NRG1: variants seen among roughly 807,000 people sequenced by gnomAD.
The protein encoded by NRG1 is neuregulin 1, also known as pro-neuregulin-1, membrane-bound isoform.
In NRG1, 18 loss-of-function variants were observed where a neutral mutation model predicts 63.8. That is an observed-to-expected ratio of 0.28 (90% CI 0.19 to 0.42). The LOEUF is 0.42. Among genes scored for constraint, NRG1 ranks in the 10% least tolerant of loss-of-function variants. The pLI, the probability that NRG1 is intolerant of heterozygous loss-of-function variation, is 1.00. For synonymous variants in NRG1, 302 were observed against 301.3 expected (o/e 1.00, Z -0.02); for missense variants, 762 against 814.7 (o/e 0.94, Z 0.79).
At chr8:32,401,247 G>A (rs530655229) in intron 1 of NRG1, among the ~76,000 whole-genome samples, 13 of 151,908 alleles carry the variant, frequency 8.6e-5, no homozygotes, top group Non-Finnish European at 1.8e-4. Flanking sequence ...CCCATGACAC[G>A]CAGCTTACCA....
intron 1 of NRG1, among the ~76,000 whole-genome samples, chr8:31,856,067 T>C (rs1563488793): frequency 6.6e-6 from 1 of 151,578 alleles, no homozygotes; most frequent in Non-Finnish European, 1.5e-5. Context: ...ATTTCAACTT[T>C]GGTGAATCTG....
chr8:32,347,212 C>A (rs1483286782), intron 1 of NRG1, among the ~76,000 whole-genome samples: 1 of 152,134 alleles, frequency 6.6e-6, no homozygotes, highest in African/African-American at 2.4e-5. Context: ...TTATTGTTAA[C>A]TATAATTTCC....
chr8:32,549,924 A>G (rs1385195829), intron 1 of NRG1, among the ~76,000 whole-genome samples: 1 of 152,232 alleles, frequency 6.6e-6, no homozygotes, highest in Non-Finnish European at 1.5e-5. Context: ...CGTACCCCCA[A>G]CACACATTTC....
intron 1 of NRG1, among the ~76,000 whole-genome samples, chr8:32,571,079 G>A (rs1422676928): frequency 6.6e-6 from 1 of 152,112 alleles, no homozygotes; most frequent in Admixed American, 6.6e-5. Context: ...TGGGAAAGGT[G>A]GGTTAAGAGG....
chr8:32,321,272 A>G (rs917584189), intron 1 of NRG1, among the ~76,000 whole-genome samples: 1 of 152,150 alleles, frequency 6.6e-6, no homozygotes, highest in African/African-American at 2.4e-5. Flanking sequence ...TTGCCTTACT[A>G]TAACTTGTCT....
chr8:32,696,120 G>A (rs1487376708), intron 5 of NRG1, among the ~76,000 whole-genome samples: 1 of 152,170 alleles, frequency 6.6e-6, no homozygotes, highest in Non-Finnish European at 1.5e-5. Flanking sequence ...GTTTTGAAGA[G>A]AGAGCTTCAT....
At chr8:32,426,172 A>G in intron 1 of NRG1, among the ~76,000 whole-genome samples, 1 of 152,198 alleles carries the variant, frequency 6.6e-6, no homozygotes, top group East Asian at 1.9e-4. Flanking sequence ...CAATTTAGGT[A>G]ACTTCATTTA....
At chr8:32,353,761 G>A (rs1805962778) in intron 1 of NRG1, among the ~76,000 whole-genome samples, 1 of 152,172 alleles carries the variant, frequency 6.6e-6, no homozygotes, top group Non-Finnish European at 1.5e-5. Context: ...CATTTTGGCA[G>A]CTTCTTAACA....
intron 1 of NRG1, among the ~76,000 whole-genome samples, chr8:31,710,572 T>C (rs1811640499): frequency 6.6e-6 from 1 of 152,158 alleles, no homozygotes; most frequent in Non-Finnish European, 1.5e-5. Flanking sequence ...AATTACACTC[T>C]CTTGAGTTAT....
chr8:31,666,607 T>C (rs1333829203), intron 1 of NRG1, among the ~76,000 whole-genome samples: 1 of 152,212 alleles, frequency 6.6e-6, no homozygotes, highest in African/African-American at 2.4e-5. Context: ...ACTTTGATGG[T>C]TGGCTGTTGG....
chr8:32,540,168 G>A (rs1017854069), intron 1 of NRG1, among the ~76,000 whole-genome samples: 10 of 152,136 alleles, frequency 6.6e-5, no homozygotes, highest in African/African-American at 2.4e-4. Context: ...GATTGGCAGG[G>A]CAGGTAAACC....
At chr8:32,129,692 T>C (rs1248014856) in intron 1 of NRG1, among the ~76,000 whole-genome samples, 1 of 151,926 alleles carries the variant, frequency 6.6e-6, no homozygotes, top group African/African-American at 2.4e-5. Flanking sequence ...ATATAAATTA[T>C]GGGTGGAAAA....
intron 1 of NRG1, among the ~76,000 whole-genome samples, chr8:31,939,663 G>C (rs984607977): frequency 9.2e-5 from 14 of 152,026 alleles, no homozygotes; most frequent in Admixed American, 6.6e-4. Context: ...GTTTTCTTCT[G>C]TTTTTCAGGA....
chr8:31,888,334 G>A (rs1055006214), intron 1 of NRG1, among the ~76,000 whole-genome samples: 1 of 152,040 alleles, frequency 6.6e-6, no homozygotes, highest in African/African-American at 2.4e-5. Flanking sequence ...GTACAGAAGG[G>A]TGTCACAGTT....
chr8:32,073,410 A>G (rs559385162), intron 1 of NRG1, among the ~76,000 whole-genome samples: 9 of 152,302 alleles, frequency 5.9e-5, no homozygotes, highest in Non-Finnish European at 8.8e-5. Context: ...TAAAAATGGA[A>G]AAGTCCTGGC....
chr8:32,594,453 C>A (rs997627632), intron 1 of NRG1, among the ~76,000 whole-genome samples: 1 of 152,094 alleles, frequency 6.6e-6, no homozygotes, highest in Admixed American at 6.6e-5. Context: ...AAAATTTATT[C>A]ATCTATGCTT....
chr8:32,313,272 C>G (rs1857023474), intron 1 of NRG1, among the ~76,000 whole-genome samples: 1 of 152,128 alleles, frequency 6.6e-6, no homozygotes, highest in African/African-American at 2.4e-5. Flanking sequence ...GTAACCTTTA[C>G]CGGAGGCAAC....
chr8:32,171,887 G>T (rs1840096954), intron 1 of NRG1, among the ~76,000 whole-genome samples: 1 of 152,142 alleles, frequency 6.6e-6, no homozygotes, highest in South Asian at 2.1e-4. Context: ...GCTCAAGGAG[G>T]CCTGTCTGCC....
At chr8:31,882,505 C>G (rs1472043344) in intron 1 of NRG1, among the ~76,000 whole-genome samples, 1 of 152,038 alleles carries the variant, frequency 6.6e-6, no homozygotes, top group Non-Finnish European at 1.5e-5. Context: ...ATTTCAACGT[C>G]TAAGTCTTGT....
Sources: gnomAD v4.1 joint callset for allele counts (sites outside exome capture counted in the v4.1 genomes callset) on GRCh38, gnomAD v4.1.1 for gene constraint, MANE v1.5 for transcripts, NCBI Gene and HGNC (gene_info 2026-07-23, HGNC 2026-07-21) for gene names.